Variants in HACL1 observed in about 807,000 individuals in gnomAD.
HACL1 encodes the protein 2-hydroxyacyl-CoA lyase 1.
In HACL1, 64 loss-of-function variants were observed where a neutral mutation model predicts 74.2. That is an observed-to-expected ratio of 0.86 (90% CI 0.70 to 1.06). The LOEUF (loss-of-function observed/expected upper bound fraction) is 1.06. Ranked by LOEUF, HACL1 falls within the 50% of genes least tolerant of loss-of-function variation. The probability of loss-of-function intolerance (pLI) is 0.00; values close to 1 mark genes in which losing one functional copy is unlikely to be tolerated. For synonymous variants in HACL1, 230 were observed against 238.8 expected (o/e 0.96, Z 0.34); for missense variants, 728 against 719.7 (o/e 1.01, Z -0.13).
intron 5 of HACL1, among the ~76,000 whole-genome samples, chr3:15,588,562 C>G (rs2063831870): frequency 6.6e-6 from 1 of 151,312 alleles, no homozygotes; most frequent in African/African-American, 2.4e-5. Flanking sequence ...CACTGCACTG[C>G]AGATTGGGCA....
chr3:15,599,184 T>C (rs1307780251), intron 2 of HACL1, among the ~76,000 whole-genome samples: 1 of 152,254 alleles, frequency 6.6e-6, no homozygotes, highest in East Asian at 1.9e-4. Flanking sequence ...ATTGTCTGTG[T>C]CTGTCTCCAC....
At position 15,601,503 on chromosome 3, in the gene HACL1, A is replaced by G; in HGVS notation, c.-40T>C. 1 of 1,610,128 alleles carries G rather than the reference A, an allele frequency of 6.2e-7. No individual in the cohort carries two copies. The highest frequency in any genetic ancestry group is 8.5e-7 in the Non-Finnish European group (1 of 1,180,012). On this transcript the variant is annotated 5_prime_UTR_variant, in exon 1 of 17. Transcript: ENST00000321169. ...CTCTAAGCACTCACGCAGCCGGCAA[A>G]CAAGCGGAATCATCCAGCAAGGCAA...
At chr3:15,575,648 C>T (rs1336805045) in intron 9 of HACL1, among the ~76,000 whole-genome samples, 3 of 152,070 alleles carry the variant, frequency 2.0e-5, no homozygotes, top group Admixed American at 6.5e-5. Flanking sequence ...CTTAAGCAAC[C>T]CTCCTACCTC....
In HACL1 at chr3:15,571,620, G is replaced by A. The variant is rs755761128; in HGVS notation, c.1095+48C>T. On this transcript the variant is annotated intron_variant, in intron 12 of 16. Transcript: ENST00000321169. ...ATGTCACATTACGGCAGAAGTAACT[G>A]AATCATGAGCCTGACCTGTTATTGA... The A allele has an allele frequency of 1.9e-5, 16 of 845,808 alleles. 1 individual carries two copies. In the South Asian group the frequency reaches 1.9e-4, roughly 10 times the overall value. 52.4% of individuals were successfully genotyped at this position (845,808 alleles called of 1,614,324 possible). A position where few individuals can be genotyped will look rare whatever the true frequency, so the allele number is the denominator to read the frequency against.
intron 6 of HACL1, among the ~76,000 whole-genome samples, chr3:15,585,719 A>G (rs1187796981): frequency 2.0e-5 from 3 of 152,200 alleles, no homozygotes; most frequent in South Asian, 2.1e-4. Flanking sequence ...ACACGTATCA[A>G]ATGGTTTCTG....
chr3:15,586,037 C>G (rs1234967992), intron 6 of HACL1, among the ~76,000 whole-genome samples: 1 of 152,044 alleles, frequency 6.6e-6, no homozygotes, highest in Non-Finnish European at 1.5e-5. Flanking sequence ...GTCACATCCC[C>G]AAGATGTCTC....
chr3:15,589,939 G>A (rs1053418041), intron 4 of HACL1, among the ~76,000 whole-genome samples: 1 of 152,088 alleles, frequency 6.6e-6, no homozygotes, highest in Non-Finnish European at 1.5e-5. Flanking sequence ...GGAGGCTGAG[G>A]TAGAAGAATT....
chr3:15,585,539 G>C (rs981115162), intron 6 of HACL1, among the ~76,000 whole-genome samples, 197 bp from the exon 7 acceptor site: 8 of 151,546 alleles, frequency 5.3e-5, no homozygotes, highest in African/African-American at 2.0e-4. Flanking sequence ...AAAAGGGAGA[G>C]AGATAAGAAA....
intron 16 of HACL1, among the ~76,000 whole-genome samples, chr3:15,562,573 C>T (rs2063361219): frequency 6.6e-6 from 1 of 152,072 alleles, no homozygotes. Context: ...ACAGAAAGTA[C>T]TTGAAAAAAA....
At chr3:15,598,369 T>A (rs919678699) in intron 2 of HACL1, among the ~76,000 whole-genome samples, 1 of 152,118 alleles carries the variant, frequency 6.6e-6, no homozygotes, top group African/African-American at 2.4e-5. Context: ...CTAAACTACC[T>A]CCATTCACAG....
intron 14 of HACL1, 32 bp from the exon 15 acceptor site, chr3:15,564,690 T>C (rs779806225): frequency 1.1e-5 from 9 of 856,992 alleles, no homozygotes; most frequent in Non-Finnish European, 1.5e-5. Flanking sequence ...AAGGAAATCA[T>C]TCTTCATTTT....
chr3:15,592,143 T>C (rs1441682606), intron 3 of HACL1, among the ~76,000 whole-genome samples: 5 of 149,602 alleles, frequency 3.3e-5, no homozygotes, highest in Non-Finnish European at 5.9e-5. Flanking sequence ...CGTGTATATA[T>C]GTATACATAC....
Position 15,587,005 on chromosome 3 carries a change from G to C in HACL1, c.382-403C>G, listed in dbSNP as rs557952541. Among the ~76,000 whole-genome samples the C allele has an allele frequency of 7.2e-5, 11 of 152,256 alleles. No homozygotes were observed. In the East Asian group the frequency reaches 2.1e-3, roughly 29 times the overall value. On this transcript the variant is annotated intron_variant, in intron 5 of 16. Transcript: ENST00000321169. ...TATAAAACTTCATCTGTTAGATTTT[G>C]TTATAATAATAATCTATTCTTACAT...
chr3:15,600,967 T>G, intron 2 of HACL1, 123 bp downstream of exon 2: 1 of 675,218 alleles, frequency 1.5e-6, no homozygotes, highest in Non-Finnish European at 2.8e-6. Flanking sequence ...TCAACAGTGA[T>G]TGATATGATA....
Position 15,573,214 on chromosome 3 carries a change from T to C in HACL1, c.938A>G (p.Asn313Ser). 7 of 1,608,524 alleles carry C rather than the reference T, an allele frequency of 4.4e-6. No homozygotes were observed. Among genetic ancestry groups the C allele is most frequent in the Non-Finnish European group, 6.0e-6 (7 of 1,175,078 alleles). The change falls in exon 11 of 17, where the codon AAT (asparagine) becomes AGT (serine). Residue 313 changes from asparagine to serine, a missense_variant. Coordinates refer to ENST00000321169, the MANE Select transcript of HACL1 (RefSeq NM_012260.4). Reference sequence around the variant, plus strand: ...CAAAGTAACAGCGGGCTTTACATTATTCCCCAATTCTTCTGCACAGATATC... The same window carrying C: ...CAAAGTAACAGCGGGCTTTACATTACTCCCCAATTCTTCTGCACAGATATC... ...QVDICAEELGNNVKPAVTLLG... is the reference protein window; with the variant it reads ...QVDICAEELGSNVKPAVTLLG...
chr3:15,583,077 AT>A (rs2063739685), intron 7 of HACL1, 88 bp from the exon 8 acceptor site: 1 of 654,496 alleles, frequency 1.5e-6, no homozygotes. Context: ...GGTAGAAAAA[AT>A]AGTACAATAA....
intron 12 of HACL1, among the ~76,000 whole-genome samples, chr3:15,569,837 A>C (rs2125235003): frequency 6.6e-6 from 1 of 151,244 alleles, no homozygotes; most frequent in East Asian, 2.0e-4. Context: ...GAAAAAAAAA[A>C]AAAGTAGCCA....
chr3:15,562,552 T>C (rs932972461), intron 16 of HACL1, among the ~76,000 whole-genome samples: 3 of 152,198 alleles, frequency 2.0e-5, no homozygotes, highest in Admixed American at 6.5e-5. Context: ...TCCATATATA[T>C]AAGAACCAAG....
chr3:15,597,010 T>C (rs548175094), intron 2 of HACL1, among the ~76,000 whole-genome samples: 1 of 152,198 alleles, frequency 6.6e-6, no homozygotes, highest in Non-Finnish European at 1.5e-5. Context: ...AGGTTACAAG[T>C]TTGAGTTGCA....
Sources: gnomAD v4.1 joint callset for allele counts (sites outside exome capture counted in the v4.1 genomes callset) on GRCh38, gnomAD v4.1.1 for gene constraint, MANE v1.5 for transcripts, NCBI Gene and HGNC (gene_info 2026-07-23, HGNC 2026-07-21) for gene names.